Variants in NBAS observed in about 807,000 individuals in gnomAD.
NBAS encodes NBAS subunit of NRZ tethering complex.
In NBAS, 219 loss-of-function variants were observed where a neutral mutation model predicts 302.5. That is an observed-to-expected ratio of 0.72 (90% CI 0.65 to 0.81). NBAS has a LOEUF of 0.81. Among genes scored for constraint, NBAS ranks in the 30% least tolerant of loss-of-function variants. The pLI, the probability that NBAS is intolerant of heterozygous loss-of-function variation, is 0.00. For missense variants in NBAS, 2,932 were observed against 2,841.6 expected (o/e 1.03, Z -0.72); for synonymous variants, 1,118 against 1,021.6 (o/e 1.09, Z -1.80).
intron 21 of NBAS, among the ~76,000 whole-genome samples, chr2:15,448,513 T>C (rs1356333410): frequency 6.6e-6 from 1 of 152,204 alleles, no homozygotes. Flanking sequence ...ACGTCCCTGT[T>C]TCTGATGGAA....
rs187486988 is a variant in NBAS at position 15,200,548 on chromosome 2, A to G, written c.6433-10145T>C. On this transcript the variant is annotated intron_variant, in intron 48 of 51. Coordinates refer to ENST00000281513, the MANE Select transcript of NBAS (RefSeq NM_015909.4). ...AATCCTGGAGGTGAAAACGTCAAATAGTTTACAGGCACCTGTAATAGTTAG... is the reference window on the plus strand; with the variant it reads ...AATCCTGGAGGTGAAAACGTCAAATGGTTTACAGGCACCTGTAATAGTTAG... Among the ~76,000 whole-genome samples the G allele has an allele frequency of 1.5e-4, 23 of 152,326 alleles. 1 individual carries two copies. In the East Asian group the frequency reaches 4.4e-3, roughly 29 times the overall value.
At chr2:14,853,858 T>C in the NBAS span, among the ~76,000 whole-genome samples, 1 of 117,770 alleles carries the variant, frequency 8.5e-6, no homozygotes, top group African/African-American at 3.5e-5. Context: ...CACTCATAGG[T>C]GGGAATTGAA....
chr2:15,094,822 G>A, the NBAS span, among the ~76,000 whole-genome samples: 6 of 152,304 alleles, frequency 3.9e-5, no homozygotes, highest in African/African-American at 1.4e-4. Context: ...AGCCGACGGG[G>A]TCTCAGCAGA....
At chr2:15,002,909 C>T in the NBAS span, among the ~76,000 whole-genome samples, 1 of 152,242 alleles carries the variant, frequency 6.6e-6, no homozygotes, top group Non-Finnish European at 1.5e-5. Flanking sequence ...TTCCCGCTGG[C>T]GCCTCTCCCT....
chr2:15,129,708 T>C, the NBAS span, among the ~76,000 whole-genome samples: 1 of 152,218 alleles, frequency 6.6e-6, no homozygotes, highest in Non-Finnish European at 1.5e-5. Flanking sequence ...GCTCAGTTCC[T>C]GGCCAGTTGG....
intron 47 of NBAS, among the ~76,000 whole-genome samples, chr2:15,220,678 G>A (rs1199443272): frequency 2.0e-5 from 3 of 152,034 alleles, no homozygotes; most frequent in Admixed American, 1.3e-4. Context: ...AACTCTTAAG[G>A]GGTTATCCAT....
chr2:15,384,364 G>A (rs1356488842), intron 28 of NBAS, among the ~76,000 whole-genome samples: 1 of 152,126 alleles, frequency 6.6e-6, no homozygotes, highest in Non-Finnish European at 1.5e-5. Context: ...CAATAAATGA[G>A]ATTAATTTTG....
chr2:15,110,224 A>G, the NBAS span, among the ~76,000 whole-genome samples: 1 of 152,100 alleles, frequency 6.6e-6, no homozygotes, highest in African/African-American at 2.4e-5. Context: ...GGTATGAGAC[A>G]AAGGCTGATG....
the NBAS span, among the ~76,000 whole-genome samples, chr2:14,812,949 T>G: frequency 5.3e-5 from 8 of 152,182 alleles, no homozygotes; most frequent in South Asian, 1.7e-3. Flanking sequence ...TCTCATGAGA[T>G]CTGGTTGTTT....
chr2:15,318,669 G>T (rs1454666263), intron 38 of NBAS, among the ~76,000 whole-genome samples: 3 of 152,124 alleles, frequency 2.0e-5, no homozygotes, highest in Non-Finnish European at 4.4e-5. Flanking sequence ...TTACATAATG[G>T]TAAAGGGATC....
chr2:15,228,323 G>A (rs1364882383), intron 47 of NBAS, among the ~76,000 whole-genome samples: 1 of 152,088 alleles, frequency 6.6e-6, no homozygotes. Context: ...TTTTCCCCGA[G>A]TTAAGAAAAA....
chr2:15,139,936 G>A, the NBAS span, among the ~76,000 whole-genome samples: 1 of 152,134 alleles, frequency 6.6e-6, no homozygotes, highest in African/African-American at 2.4e-5. Context: ...ATGTGACTTT[G>A]ACATTCTTCC....
intron 28 of NBAS, among the ~76,000 whole-genome samples, chr2:15,385,930 A>C (rs1490873865): frequency 6.6e-6 from 1 of 152,182 alleles, no homozygotes; most frequent in African/African-American, 2.4e-5. Context: ...ATCTAGCAGC[A>C]ATTGCAATGC....
chr2:15,090,654 C>T, the NBAS span, among the ~76,000 whole-genome samples: 1 of 152,206 alleles, frequency 6.6e-6, no homozygotes, highest in Admixed American at 6.5e-5. Flanking sequence ...CCACCTGAGG[C>T]TGTAAAAATC....
At chr2:14,853,987 G>A in the NBAS span, among the ~76,000 whole-genome samples, 1 of 143,678 alleles carries the variant, frequency 7.0e-6, no homozygotes, top group Non-Finnish European at 1.5e-5. Flanking sequence ...ACGAGTTAGT[G>A]GGTGCAGCGC....
chr2:14,934,059 A>G, the NBAS span, among the ~76,000 whole-genome samples: 4 of 152,190 alleles, frequency 2.6e-5, no homozygotes, highest in Non-Finnish European at 5.9e-5. Flanking sequence ...GTGTCCAGGG[A>G]AATTGAAATC....
chr2:14,921,915 C>A, the NBAS span, among the ~76,000 whole-genome samples: 1 of 152,166 alleles, frequency 6.6e-6, no homozygotes, highest in Admixed American at 6.5e-5. Context: ...AAATCCATCC[C>A]CACACCCTTT....
At chr2:15,266,952 G>A (rs534736397) in intron 44 of NBAS, among the ~76,000 whole-genome samples, 63 of 152,134 alleles carry the variant, frequency 4.1e-4, no homozygotes, top group Non-Finnish European at 8.4e-4. Context: ...AATAATTATA[G>A]ATCTAAAACA....
Position 15,461,279 on chromosome 2 carries a change from G to A in NBAS, c.2261C>T (p.Pro754Leu), listed in dbSNP as rs764181473. The change falls in exon 21 of 52, where the codon CCT becomes CTT. Residue 754 changes from proline to leucine, a missense_variant. Transcript: ENST00000281513. ...LFTYHGSDLL[P>L]HRLAILSNFP... ...GTTGGACAGAATTGCAAGGCGATGA[G>A]GAAGCAGGTCGGAACCATGGTAAGT... is the stretch of plus-strand genomic sequence containing the variant. 1.9e-6 allele frequency: 3 copies of A among 1,613,360 alleles called. No homozygotes were observed. The African/African-American group carries it at 4.0e-5, about 22-fold the overall frequency.
Sources: gnomAD v4.1 joint callset for allele counts (sites outside exome capture counted in the v4.1 genomes callset) on GRCh38, gnomAD v4.1.1 for gene constraint, MANE v1.5 for transcripts, NCBI Gene and HGNC (gene_info 2026-07-23, HGNC 2026-07-21) for gene names.